The following STK32B variants were observed in gnomAD, a reference collection of about 807,000 sequenced individuals.
The protein encoded by STK32B is serine/threonine-protein kinase 32B.
STK32B carries 43 observed loss-of-function variants against 52.6 expected under a neutral mutation model. That is an observed-to-expected ratio of 0.82 (90% confidence interval 0.64 to 1.05). The LOEUF (loss-of-function observed/expected upper bound fraction) is 1.05. STK32B is among the 50% of genes least tolerant of loss of function. The pLI is 0.00. For synonymous variants in STK32B, 238 were observed against 204.3 expected (o/e 1.17, Z -1.41); for missense variants, 621 against 534.6 (o/e 1.16, Z -1.59).
intron 3 of STK32B, among the ~76,000 whole-genome samples, chr4:5,268,397 G>A (rs896390591): frequency 5.3e-5 from 8 of 152,068 alleles, no homozygotes; most frequent in African/African-American, 1.2e-4. Flanking sequence ...TTGCGTAGCC[G>A]CTTTCTCCTT....
At chr4:5,228,508 G>C (rs1724025979) in intron 3 of STK32B, among the ~76,000 whole-genome samples, 1 of 152,120 alleles carries the variant, frequency 6.6e-6, no homozygotes, top group Admixed American at 6.5e-5. Flanking sequence ...TTTATAGTTT[G>C]AAAAGCTGCA....
At chr4:5,425,033 G>A (rs967556800) in intron 6 of STK32B, among the ~76,000 whole-genome samples, 2 of 152,204 alleles carry the variant, frequency 1.3e-5, no homozygotes, top group African/African-American at 2.4e-5. Context: ...GCCGGCGCTC[G>A]TGCCAGTGCC....
In STK32B at chr4:5,058,656, C is replaced by T. The variant is rs754689103; in HGVS notation, c.52+6741C>T. ...TGACTCACTGCAGCCTCAACCTCCC[C>T]GGCTCAAGCAATCCTCCTGTGTCAG... On this transcript the variant is annotated intron_variant, in intron 1 of 11. Coordinates refer to ENST00000282908, the MANE Select transcript of STK32B (RefSeq NM_018401.3). This position sits in a 1 kb window ranked among gnomAD's most constrained non-coding sequence, Gnocchi z 4.8. Among the ~76,000 whole-genome samples, 9 of 152,096 alleles carry T rather than the reference C, an allele frequency of 5.9e-5. No homozygotes were observed. The highest frequency in any genetic ancestry group is 1.3e-4 in the Non-Finnish European group (9 of 68,020).
chr4:5,496,319 G>A (rs1356597958), intron 11 of STK32B, among the ~76,000 whole-genome samples: 1 of 152,202 alleles, frequency 6.6e-6, no homozygotes, highest in Non-Finnish European at 1.5e-5. Context: ...CCGCCTTGCA[G>A]TTTGATCTCA....
chr4:5,070,095 C>T (rs368405833), intron 1 of STK32B, among the ~76,000 whole-genome samples: 227 of 152,292 alleles, frequency 1.5e-3, no homozygotes, highest in African/African-American at 4.7e-3. Flanking sequence ...TTCCTCCCAG[C>T]GAACATTCCA....
intron 4 of STK32B, among the ~76,000 whole-genome samples, chr4:5,370,152 G>A (rs937735560): frequency 2.6e-5 from 4 of 151,670 alleles, no homozygotes; most frequent in African/African-American, 9.7e-5. Context: ...TGGGATTACA[G>A]GCGTGAGCCA....
At chr4:5,397,685 G>GATGTTTGTTT (rs1737007383) in intron 4 of STK32B, among the ~76,000 whole-genome samples, 1 of 152,224 alleles carries the variant, frequency 6.6e-6, no homozygotes, top group Non-Finnish European at 1.5e-5. Context: ...TGTTTTTACA[G>GATGTTTGTTT]TGCTTTAAAG....
the STK32B span, among the ~76,000 whole-genome samples, chr4:5,037,222 C>T: frequency 2.0e-5 from 3 of 152,194 alleles, no homozygotes; most frequent in Non-Finnish European, 4.4e-5. Flanking sequence ...AAAATGTCCC[C>T]AGACATTGCC....
chr4:5,372,726 G>A (rs144932802), intron 4 of STK32B, among the ~76,000 whole-genome samples: 37 of 150,306 alleles, frequency 2.5e-4, no homozygotes, highest in Admixed American at 4.0e-4. Flanking sequence ...AAGTTGGGGG[G>A]GGGGGCGGTT....
At chr4:5,274,178 A>T (rs1045120056) in intron 3 of STK32B, among the ~76,000 whole-genome samples, 2 of 152,216 alleles carry the variant, frequency 1.3e-5, no homozygotes, top group African/African-American at 4.8e-5. Flanking sequence ...GGAATAGCTA[A>T]AACAACTTTA....
At chr4:5,228,669 TATAAAA>T (rs771836342) in intron 3 of STK32B, among the ~76,000 whole-genome samples, 72 of 152,300 alleles carry the variant, frequency 4.7e-4, no homozygotes, top group Admixed American at 9.8e-4. Flanking sequence ...TCCCAGGGCA[TATAAAA>T]GTTATGTTTA....
chr4:5,304,219 A>G (rs1041875802), intron 3 of STK32B, among the ~76,000 whole-genome samples: 4 of 152,094 alleles, frequency 2.6e-5, no homozygotes, highest in African/African-American at 9.6e-5. Flanking sequence ...CTGAAAAACG[A>G]TGGTGATATA....
At chr4:5,332,551 T>G (rs1732336971) in intron 4 of STK32B, among the ~76,000 whole-genome samples, 1 of 152,158 alleles carries the variant, frequency 6.6e-6, no homozygotes, top group Admixed American at 6.5e-5. Context: ...AATGTGCAGG[T>G]TAGTTACATA....
At chr4:5,020,206 TC>T in the STK32B span, among the ~76,000 whole-genome samples, 1 of 152,084 alleles carries the variant, frequency 6.6e-6, no homozygotes. Flanking sequence ...AGGGCTAACT[TC>T]CCAAGACAGT....
At chr4:5,241,676 T>C (rs1289894511) in intron 3 of STK32B, among the ~76,000 whole-genome samples, 2 of 152,158 alleles carry the variant, frequency 1.3e-5, no homozygotes, top group Non-Finnish European at 2.9e-5. Flanking sequence ...GCTGCACCCA[T>C]TAACTCATCA....
the STK32B span, among the ~76,000 whole-genome samples, chr4:5,039,351 C>A: frequency 3.9e-5 from 6 of 152,130 alleles, no homozygotes; most frequent in East Asian, 1.2e-3. Flanking sequence ...TTAAAAATTT[C>A]TTTAGAACTT....
chr4:5,356,723 G>A (rs1426832700), intron 4 of STK32B, among the ~76,000 whole-genome samples: 4 of 152,144 alleles, frequency 2.6e-5, no homozygotes, highest in Admixed American at 1.3e-4. Context: ...ATTGCTGGGC[G>A]CGGTGGCTCA....
chr4:5,251,958 A>C (rs896078745), intron 3 of STK32B, among the ~76,000 whole-genome samples: 11 of 152,192 alleles, frequency 7.2e-5, no homozygotes, highest in African/African-American at 2.4e-4. Flanking sequence ...AATGTCCATG[A>C]AAGCAACTTG....
At chr4:5,206,387 C>T (rs556830901) in intron 3 of STK32B, among the ~76,000 whole-genome samples, 1 of 152,214 alleles carries the variant, frequency 6.6e-6, no homozygotes, top group African/African-American at 2.4e-5. Context: ...CACTGTTTCC[C>T]ACTGCTCTGG....
Sources: allele counts gnomAD v4.1 joint callset (sites outside exome capture counted in the v4.1 genomes callset), GRCh38; gene constraint gnomAD v4.1.1; non-coding constraint Gnocchi (gnomAD v3.1); transcripts MANE v1.5; gene names NCBI Gene and HGNC (gene_info 2026-07-23, HGNC 2026-07-21).